The following TMEM50A variants were observed in gnomAD, a reference collection of about 807,000 sequenced individuals.
The protein encoded by TMEM50A is transmembrane protein 50A, also known as cervical cancer oncogene 9.
TMEM50A carries 8 observed loss-of-function variants against 23.9 expected under a neutral mutation model. That is an observed-to-expected ratio of 0.33 (90% CI 0.20 to 0.60). TMEM50A has a LOEUF of 0.60. Ranked by LOEUF, TMEM50A falls within the 20% of genes least tolerant of loss-of-function variation. TMEM50A has a pLI of 0.81. For synonymous variants in TMEM50A, 55 were observed against 60.4 expected (o/e 0.91, Z 0.41); for missense variants, 178 against 192.7 (o/e 0.92, Z 0.45).
intron 3 of TMEM50A, among the ~76,000 whole-genome samples, chr1:25,343,420 G>C (rs1188042075): frequency 6.6e-6 from 1 of 152,072 alleles, no homozygotes; most frequent in Non-Finnish European, 1.5e-5. Context: ...TCTAGGTACA[G>C]GACATATAGT....
intron 5 of TMEM50A, among the ~76,000 whole-genome samples, chr1:25,353,801 A>G (rs1190062105): frequency 6.6e-6 from 1 of 152,176 alleles, no homozygotes; most frequent in Non-Finnish European, 1.5e-5. Flanking sequence ...TGTCATAGTA[A>G]AAATACAGTA....
At chr1:25,342,051 T>C (rs1319469793) in intron 2 of TMEM50A, among the ~76,000 whole-genome samples, 1 of 152,106 alleles carries the variant, frequency 6.6e-6, no homozygotes, top group Non-Finnish European at 1.5e-5. Context: ...CTTAAATACA[T>C]TGAGCTGAGG....
rs1380293632 is a variant in TMEM50A at position 25,356,032 on chromosome 1, C to T, written c.368-761C>T. Among the ~76,000 whole-genome samples, 14 of 152,298 alleles carry T rather than the reference C, an allele frequency of 9.2e-5. No homozygotes were observed. In the East Asian group the frequency reaches 2.5e-3, roughly 27 times the overall value. Reference sequence around the variant, plus strand: ...TTTACCATCTCTCCATTGCTACCACCCTGGTTCAATCCATCATAATCTCTC... The same window carrying T: ...TTTACCATCTCTCCATTGCTACCACTCTGGTTCAATCCATCATAATCTCTC... On this transcript the variant is annotated intron_variant, in intron 5 of 6. Coordinates refer to ENST00000374358, the MANE Select transcript of TMEM50A (RefSeq NM_014313.4).
chr1:25,350,581 T>C (rs1025258996), intron 3 of TMEM50A, among the ~76,000 whole-genome samples: 2 of 151,826 alleles, frequency 1.3e-5, no homozygotes, highest in Non-Finnish European at 2.9e-5. Context: ...AGAGACGGGG[T>C]TTCTCTGTGT....
At chr1:25,344,125 G>A (rs1645190305) in intron 3 of TMEM50A, among the ~76,000 whole-genome samples, 1 of 152,104 alleles carries the variant, frequency 6.6e-6, no homozygotes. Flanking sequence ...GGTCCCAGCT[G>A]CTCCGGAGGC....
chr1:25,362,010 T>C lies in TMEM50A; in HGVS notation c.*1305T>C, dbSNP rs564998452. On this transcript the variant is annotated 3_prime_UTR_variant, in exon 7 of 7. Coordinates refer to ENST00000374358, the MANE Select transcript of TMEM50A (RefSeq NM_014313.4). ...AACTAGTTTTTTAATCCTCAGGCAG[T>C]GCATCCCCCCACCCTACAACTGAGC... 10 of 194,994 alleles carry C rather than the reference T, an allele frequency of 5.1e-5. No individual in the cohort carries two copies. Among genetic ancestry groups the C allele is most frequent in the African/African-American group, 1.9e-4 (8 of 42,126 alleles). The allele number at this position is 194,994 out of a possible 1,614,324, so 12.1% of individuals were successfully genotyped here.
chr1:25,351,533 A>T, intron 3 of TMEM50A, 93 bp from the exon 4 acceptor site: 1 of 1,045,338 alleles, frequency 9.6e-7, no homozygotes, highest in Non-Finnish European at 1.4e-6. Context: ...AAAGACTTTC[A>T]GGCCTAACCT....
chr1:25,338,830 T>C (rs1645132904), intron 1 of TMEM50A: 1 of 152,198 alleles, frequency 6.6e-6, no homozygotes, highest in Admixed American at 6.5e-5. Context: ...GGCTCCCCCA[T>C]CTTCCAGCGG....
chr1:25,343,166 T>C, intron 3 of TMEM50A, 93 bp downstream of exon 3: 2 of 958,006 alleles, frequency 2.1e-6, no homozygotes, highest in Non-Finnish European at 3.1e-6. Context: ...TTCTAAATAT[T>C]ATCAGATTAA....
At chr1:25,357,634 G>GTGTGTT (rs1553152338) in intron 6 of TMEM50A, among the ~76,000 whole-genome samples, 5 of 150,124 alleles carry the variant, frequency 3.3e-5, no homozygotes, top group African/African-American at 1.2e-4. Context: ...GTGTGTGTGT[G>GTGTGTT]TGTGTGTGTG....
intron 2 of TMEM50A, 29 bp from the exon 3 acceptor site, chr1:25,342,932 A>G: frequency 6.3e-7 from 1 of 1,581,936 alleles, no homozygotes; most frequent in South Asian, 1.1e-5. Flanking sequence ...AATTGCTATG[A>G]TTTCTCATTG....
rs759564668 is a variant in TMEM50A at position 25,360,668 on chromosome 1, T to G, written c.437T>G (p.Val146Gly). The change falls in exon 7 of 7, where the codon GTT (valine) becomes GGT (glycine). Residue 146 changes from valine to glycine, a missense_variant. Coordinates refer to ENST00000374358, the MANE Select transcript of TMEM50A (RefSeq NM_014313.4). ...TCTTGTTTTATTCACAGAGGGCTGGTTTTTAAGTTTGGCCGCACTGAAGAC... is the reference window on the plus strand; with the variant it reads ...TCTTGTTTTATTCACAGAGGGCTGGGTTTTAAGTTTGGCCGCACTGAAGAC... ...QNAFIFFGGL[V>G]FKFGRTEDLW... 36 of 1,613,964 alleles carry G rather than the reference T, an allele frequency of 2.2e-5. No homozygotes were observed. The highest frequency in any genetic ancestry group is 3.0e-5 in the Non-Finnish European group (35 of 1,179,994).
rs1645391931 is a variant in TMEM50A at position 25,360,744 on chromosome 1, G to A, written c.*39G>A. 6.2e-7 allele frequency: 1 copy of A among 1,610,674 alleles called. No individual in the cohort carries two copies. The highest frequency in any genetic ancestry group is 8.5e-7 in the Non-Finnish European group (1 of 1,177,970). On this transcript the variant is annotated 3_prime_UTR_variant, in exon 7 of 7. Transcript: ENST00000374358. The stretch of plus-strand genomic sequence containing the variant: ...CCCACAGCACAACAGCCCTGCATGG[G>A]TTTGTTTGTTTTTTTACTGCTCACT...
intron 6 of TMEM50A, 61 bp from the exon 7 acceptor site, chr1:25,360,599 A>G: frequency 6.3e-7 from 1 of 1,582,674 alleles, no homozygotes; most frequent in Non-Finnish European, 8.7e-7. Flanking sequence ...CATTCTCGAA[A>G]TCTCACATAC....
intron 3 of TMEM50A, among the ~76,000 whole-genome samples, chr1:25,345,421 A>G (rs759013663): frequency 5.3e-5 from 8 of 152,232 alleles, no homozygotes; most frequent in Admixed American, 1.3e-4. Context: ...TCTACTAAAA[A>G]TACAAAACAT....
chr1:25,356,180 G>C (rs2124260867), intron 5 of TMEM50A, among the ~76,000 whole-genome samples: 1 of 152,246 alleles, frequency 6.6e-6, no homozygotes, highest in Admixed American at 6.5e-5. Flanking sequence ...TCACTTTTCT[G>C]CTCACAACCC....
At chr1:25,343,206 G>T in intron 3 of TMEM50A, 133 bp downstream of exon 3, 1 of 649,060 alleles carries the variant, frequency 1.5e-6, no homozygotes, top group South Asian at 2.1e-5. Flanking sequence ...AAGTCACACA[G>T]TAGAGATGGA....
At chr1:25,356,531 T>A (rs1408066856) in intron 5 of TMEM50A, among the ~76,000 whole-genome samples, 1 of 152,204 alleles carries the variant, frequency 6.6e-6, no homozygotes, top group Non-Finnish European at 1.5e-5. Context: ...TTTACCTGTT[T>A]TGTTTATTGC....
At chr1:25,343,618 C>T (rs1392299292) in intron 3 of TMEM50A, among the ~76,000 whole-genome samples, 1 of 151,852 alleles carries the variant, frequency 6.6e-6, no homozygotes, top group Non-Finnish European at 1.5e-5. Context: ...GGTTGGTCTC[C>T]TGGGCTCAAG....
Sources: allele counts gnomAD v4.1 joint callset (sites outside exome capture counted in the v4.1 genomes callset), GRCh38; gene constraint gnomAD v4.1.1; transcripts MANE v1.5; gene names NCBI Gene and HGNC (gene_info 2026-07-23, HGNC 2026-07-21).